The following SPATA16 variants were observed in gnomAD, a reference collection of about 807,000 sequenced individuals.
SPATA16 encodes spermatogenesis-associated protein 16.
SPATA16 carries 36 observed loss-of-function variants against 63.3 expected under a neutral mutation model. That is an observed-to-expected ratio of 0.57 (90% CI 0.44 to 0.75). SPATA16 has a LOEUF of 0.75. Ranked by LOEUF, SPATA16 falls within the 30% of genes least tolerant of loss-of-function variation. SPATA16 has a pLI of 0.00. For synonymous variants in SPATA16, 203 were observed against 216.7 expected, an observed-to-expected ratio of 0.94 and a Z score of 0.56; for missense variants, 646 against 679.3, an observed-to-expected ratio of 0.95 and a Z score of 0.54.
intron 5 of SPATA16, among the ~76,000 whole-genome samples, chr3:172,957,677 T>A (rs1000128692): frequency 2.0e-5 from 3 of 152,162 alleles, no homozygotes; most frequent in African/African-American, 7.2e-5. Context: ...TTTATAGGAA[T>A]GAAATTCTCC....
chr3:173,123,991 A>G (rs957340240), intron 1 of SPATA16, among the ~76,000 whole-genome samples: 7 of 152,158 alleles, frequency 4.6e-5, no homozygotes, highest in African/African-American at 1.4e-4. Flanking sequence ...TAGATGCAGG[A>G]AAAAAATGAT....
At chr3:172,913,424 A>G (rs1290173575) in intron 10 of SPATA16, among the ~76,000 whole-genome samples, 2 of 152,322 alleles carry the variant, frequency 1.3e-5, no homozygotes, top group East Asian at 3.9e-4. Flanking sequence ...GAGCATGATA[A>G]TGAAGAAAAA....
At chr3:172,996,302 A>G (rs1036182205) in intron 4 of SPATA16, among the ~76,000 whole-genome samples, 11 of 152,130 alleles carry the variant, frequency 7.2e-5, no homozygotes, top group African/African-American at 2.7e-4. Context: ...CCAGTTGCCC[A>G]AGGTGGTATC....
At chr3:172,962,848 A>G (rs1733822217) in intron 5 of SPATA16, among the ~76,000 whole-genome samples, 1 of 152,144 alleles carries the variant, frequency 6.6e-6, no homozygotes, top group Non-Finnish European at 1.5e-5. Context: ...AAATGATGAT[A>G]ATAATTTTCT....
intron 2 of SPATA16, among the ~76,000 whole-genome samples, chr3:173,099,980 ATAGAAG>A (rs1002517761): frequency 6.6e-6 from 1 of 152,206 alleles, no homozygotes; most frequent in Non-Finnish European, 1.5e-5. Flanking sequence ...AAGTCCCCAC[ATAGAAG>A]TTGGTGTTCT....
At chr3:172,949,659 C>G (rs1733381659) in intron 6 of SPATA16, among the ~76,000 whole-genome samples, 1 of 151,962 alleles carries the variant, frequency 6.6e-6, no homozygotes, top group Non-Finnish European at 1.5e-5. Context: ...GAGCACTTAC[C>G]TCACTCATAT....
intron 3 of SPATA16, among the ~76,000 whole-genome samples, chr3:173,023,193 A>C (rs1313376327): frequency 6.9e-6 from 1 of 144,370 alleles, no homozygotes; most frequent in Non-Finnish European, 1.5e-5. Context: ...TTAAGCCCTA[A>C]ATTTGTACAC....
In SPATA16 at chr3:173,056,704, T is replaced by TTAAAAAAA. The variant is rs1736234311; in HGVS notation, c.613-7611_613-7610insTTTTTTTA. Among the ~76,000 whole-genome samples the TTAAAAAAA allele has an allele frequency of 4.1e-4, 23 of 56,456 alleles. 1 individual carries two copies. Among genetic ancestry groups the TTAAAAAAA allele is most frequent in the African/African-American group, 2.7e-3 (23 of 8,484 alleles). The allele number at this position is 56,456 out of a possible 152,430, so 37.0% of individuals were successfully genotyped here. On this transcript the variant is annotated intron_variant, in intron 2 of 10. Transcript: ENST00000351008. ...GGAGCAACAGAGTGAGACTCTTGTTTCAAAAAAAAAAAAAAAAAAAAAAAA... is the reference window on the plus strand; with the variant it reads ...GGAGCAACAGAGTGAGACTCTTGTTTTAAAAAAACAAAAAAAAAAAAAAAAAAAAAAAA...
At chr3:173,098,919 G>T (rs79775469) in intron 2 of SPATA16, among the ~76,000 whole-genome samples, 2,611 of 152,228 alleles carry the variant, frequency 0.017, 32 homozygotes, top group South Asian at 0.032. Flanking sequence ...AGATCACAAT[G>T]TTCTTTCAAA....
intron 8 of SPATA16, among the ~76,000 whole-genome samples, chr3:172,923,581 G>T (rs1732661827): frequency 6.6e-6 from 1 of 152,152 alleles, no homozygotes; most frequent in Non-Finnish European, 1.5e-5. Context: ...GCCTATTAAT[G>T]AGAAGTTCTC....
intron 2 of SPATA16, among the ~76,000 whole-genome samples, chr3:173,068,882 G>A (rs570848241): frequency 3.3e-4 from 50 of 149,998 alleles, no homozygotes; most frequent in Non-Finnish European, 6.2e-4. Context: ...AGGCCGAGGC[G>A]GGCGGATCAC....
intron 4 of SPATA16, among the ~76,000 whole-genome samples, chr3:173,019,009 A>T (rs1438364376): frequency 6.6e-6 from 1 of 152,194 alleles, no homozygotes; most frequent in Non-Finnish European, 1.5e-5. Context: ...CTAGGTTTTT[A>T]AAAAATACAT....
chr3:173,056,384 G>T (rs1268870560), intron 2 of SPATA16, among the ~76,000 whole-genome samples: 2 of 152,114 alleles, frequency 1.3e-5, no homozygotes, highest in African/African-American at 4.8e-5. Context: ...CTAAGTTCAT[G>T]AATAGTTGAG....
chr3:172,914,643 A>G (rs889575767), intron 9 of SPATA16, among the ~76,000 whole-genome samples: 3 of 152,140 alleles, frequency 2.0e-5, no homozygotes, highest in African/African-American at 7.2e-5. Flanking sequence ...GTTGCAAAGT[A>G]AAATCTATTA....
chr3:172,931,198 G>T (rs573169122), intron 6 of SPATA16, among the ~76,000 whole-genome samples: 1 of 152,280 alleles, frequency 6.6e-6, no homozygotes, highest in Non-Finnish European at 1.5e-5. Context: ...TTAACACCCT[G>T]ACAACTCTTA....
At chr3:172,988,226 A>T (rs192606861) in intron 4 of SPATA16, among the ~76,000 whole-genome samples, 1 of 152,350 alleles carries the variant, frequency 6.6e-6, no homozygotes, top group East Asian at 1.9e-4. Flanking sequence ...CATCTGTTTT[A>T]AACCAAAGTT....
At chr3:172,917,765 T>C (rs553713009) in intron 8 of SPATA16, among the ~76,000 whole-genome samples, 1 of 152,378 alleles carries the variant, frequency 6.6e-6, no homozygotes, top group South Asian at 2.1e-4. Context: ...ATAATTTCAC[T>C]TTCTTAAGAG....
At chr3:172,985,479 T>C (rs962140568) in intron 4 of SPATA16, among the ~76,000 whole-genome samples, 16 of 152,198 alleles carry the variant, frequency 1.1e-4, no homozygotes, top group Admixed American at 8.5e-4. Context: ...GGGCTATCAA[T>C]ATGACATCCA....
In SPATA16 at chr3:172,975,176, G is replaced by A. The variant is rs1734125069; in HGVS notation, c.933+1792C>T. On this transcript the variant is annotated intron_variant, in intron 5 of 10. Coordinates refer to ENST00000351008, the MANE Select transcript of SPATA16 (RefSeq NM_031955.6). Reference sequence around the variant, plus strand: ...GATAATGTGCTGACATAACAAGATTGGAAGGAGGCATGTCTCACATGTGAG... The same window carrying A: ...GATAATGTGCTGACATAACAAGATTAGAAGGAGGCATGTCTCACATGTGAG... Among the ~76,000 whole-genome samples, 3 of 152,088 alleles carry A rather than the reference G, an allele frequency of 2.0e-5. 1 individual carries two copies. The highest frequency in any genetic ancestry group is 2.0e-4 in the Admixed American group (3 of 15,260).
Sources: allele counts gnomAD v4.1 joint callset (sites outside exome capture counted in the v4.1 genomes callset), GRCh38; gene constraint gnomAD v4.1.1; transcripts MANE v1.5; gene names NCBI Gene and HGNC (gene_info 2026-07-23, HGNC 2026-07-21).